Variants in IFI6 observed in about 807,000 individuals in gnomAD.
IFI6 encodes interferon alpha inducible protein 6.
In IFI6, 10 loss-of-function variants were observed where a neutral mutation model predicts 12.7. The observed-to-expected ratio is 0.79, with a 90% CI of 0.49 to 1.33. The LOEUF (loss-of-function observed/expected upper bound fraction) is 1.33. IFI6 is among the 40% of genes most tolerant of loss of function. The pLI is 0.00. For missense variants in IFI6, 154 were observed against 180.4 expected (o/e 0.85, Z 0.84); for synonymous variants, 89 against 86.2 (o/e 1.03, Z -0.18).
chr1:27,671,536 C>T (rs541797871), intron 1 of IFI6, among the ~76,000 whole-genome samples: 5 of 152,096 alleles, frequency 3.3e-5, no homozygotes, highest in African/African-American at 1.2e-4. Context: ...AGGCGCCCAC[C>T]ACCAAGCCCG....
intron 1 of IFI6, among the ~76,000 whole-genome samples, chr1:27,671,052 A>G (rs148246327): frequency 1.6e-4 from 24 of 152,318 alleles, no homozygotes; most frequent in Admixed American, 4.6e-4. Flanking sequence ...TCATGAACCT[A>G]TGCTCTTTCC....
At position 27,668,278 on chromosome 1, in the gene IFI6, C is replaced by T. The variant is rs1270626783; in HGVS notation, c.246G>A (p.Leu82=). 1.3e-6 allele frequency: 2 copies of T among 1,582,810 alleles called. No individual in the cohort carries two copies. Among genetic ancestry groups the T allele is most frequent in the African/African-American group, 1.3e-5 (1 of 74,210 alleles). Residue 82 remains leucine, a synonymous_variant, in exon 4 of 5, where the codon CTG becomes CTA. Coordinates refer to ENST00000361157, the MANE Select transcript of IFI6 (RefSeq NM_002038.4). ...AASLMSWSAI[L]NGGGVPAGGL... ...CCCCGGCGGGCACGCCGCCCCCATT[C>T]AGGATCGCAGACCAGCTCATCAGCG... is the stretch of plus-strand genomic sequence containing the variant.
At chr1:27,668,686 A>C in intron 2 of IFI6, 151 bp from the exon 3 acceptor site, 1 of 637,198 alleles carries the variant, frequency 1.6e-6, no homozygotes, top group Non-Finnish European at 2.8e-6. Flanking sequence ...ACTTTCCCCT[A>C]GGCGCCGAGC....
Position 27,668,229 on chromosome 1 carries a change from G to A in IFI6, c.295C>T (p.Leu99Phe). Residue 99 changes from leucine (L) to phenylalanine (F), a missense_variant, in exon 4 of 5, where the codon CTC becomes TTC. Coordinates refer to ENST00000361157, the MANE Select transcript of IFI6 (RefSeq NM_002038.4). ...AGGLVATLQSLGAGGSSVVIG... is the reference protein window; with the variant it reads ...AGGLVATLQSFGAGGSSVVIG... Reference sequence around the variant, plus strand: ...GGGGCCCAGGCCCCGCACTCACCGAGGCTCTGCAGCGTGGCCACTAGCCCC... The same window carrying A: ...GGGGCCCAGGCCCCGCACTCACCGAAGCTCTGCAGCGTGGCCACTAGCCCC... The A allele has an allele frequency of 6.5e-7, 1 of 1,544,354 alleles. No homozygotes were observed.
At position 27,666,321 on chromosome 1, in the gene IFI6, T is replaced by TAA; in HGVS notation, c.*59_*60insTT. The TAA allele has an allele frequency of 1.3e-6, 1 of 767,210 alleles. No individual in the cohort carries two copies. Among genetic ancestry groups the TAA allele is most frequent in the Non-Finnish European group, 2.1e-6 (1 of 482,048 alleles). The allele number at this position is 767,210 out of a possible 1,614,324, so 47.5% of individuals were successfully genotyped here. ...AAAAAAAAAAAAAAAAAGGCAAAGTTCTAGATCCTAACTGGAAGAGTTAGG... is the reference window on the plus strand; with the variant it reads ...AAAAAAAAAAAAAAAAAGGCAAAGTTAACTAGATCCTAACTGGAAGAGTTAGG... On this transcript the variant is annotated 3_prime_UTR_variant, in exon 5 of 5. Coordinates refer to ENST00000361157, the MANE Select transcript of IFI6 (RefSeq NM_002038.4).
intron 3 of IFI6, 24 bp downstream of exon 3, chr1:27,668,434 G>A (rs1270806248): frequency 2.5e-6 from 4 of 1,602,868 alleles, no homozygotes; most frequent in African/African-American, 1.3e-5. Context: ...CCGCCTGCCC[G>A]AGATCCTCGC....
chr1:27,668,336 C>T lies in IFI6; in HGVS notation c.188G>A (p.Gly63Asp). Residue 63 changes from glycine to aspartate, a missense_variant, in exon 4 of 5, where the codon GGC becomes GAC. Coordinates refer to ENST00000361157, the MANE Select transcript of IFI6 (RefSeq NM_002038.4). ...CACCGAGTTGGCCGCGATGCCGGCG[C>T]CGGTGAAGCCCAGCGCGGGCAGCCC... ...VAGLPALGFT[G>D]AGIAANSVAA... is the part of the protein sequence containing the mutation. 6.4e-7 allele frequency: 1 copy of T among 1,569,752 alleles called. No individual in the cohort carries two copies. The highest frequency in any genetic ancestry group is 1.2e-5 in the South Asian group (1 of 86,302).
At chr1:27,668,672 AGG>A (rs2090375170) in intron 2 of IFI6, 137 bp from the exon 3 acceptor site, 6 of 681,142 alleles carry the variant, frequency 8.8e-6, no homozygotes, top group Non-Finnish European at 1.5e-5. Flanking sequence ...ACAGAGGGGA[AGG>A]GACTTTCCCC....
rs2090349439 is a variant in IFI6, at chr1:27,666,232, T to C, written c.*149A>G. On this transcript the variant is annotated 3_prime_UTR_variant, in exon 5 of 5. Coordinates refer to ENST00000361157, the MANE Select transcript of IFI6 (RefSeq NM_002038.4). ...AGTTGGAGGCTGCAGTGTACTATGT[T>C]CGCATCTGTGAATAGCCACTGCACT... 5.6e-6 allele frequency: 3 copies of C among 540,250 alleles called. No homozygotes were observed. The East Asian group carries it at 9.2e-5, about 17-fold the overall frequency. The allele number at this position is 540,250 out of a possible 1,614,324, so 33.5% of individuals were successfully genotyped here.
At chr1:27,671,891 G>A (rs1021540746) in intron 1 of IFI6, among the ~76,000 whole-genome samples, 1 of 152,176 alleles carries the variant, frequency 6.6e-6, no homozygotes, top group African/African-American at 2.4e-5. Flanking sequence ...CGCTGATATT[G>A]CACCTGTAAG....
chr1:27,668,192 A>T (rs764078101), intron 4 of IFI6, 34 bp downstream of exon 4: 2 of 1,446,984 alleles, frequency 1.4e-6, no homozygotes, highest in East Asian at 2.6e-5. Context: ...AATAGTAAAG[A>T]ACGTCCCACC....
chr1:27,669,892 T>A (rs909895774), intron 1 of IFI6: 1 of 153,060 alleles, frequency 6.5e-6, no homozygotes, highest in African/African-American at 2.4e-5. Flanking sequence ...CACATCAACT[T>A]AATTTTTTTT....
chr1:27,668,396 G>A (rs773353125), intron 3 of IFI6, 21 bp from the exon 4 acceptor site: 43 of 1,576,724 alleles, frequency 2.7e-5, no homozygotes, highest in Non-Finnish European at 3.5e-5. Flanking sequence ...AGGAGCAGGT[G>A]AGGGAGCGTC....
Position 27,666,892 on chromosome 1 carries a change from G to A in IFI6, c.299-417C>T, listed in dbSNP as rs142777043. Among the ~76,000 whole-genome samples, 355 of 152,204 alleles carry A rather than the reference G, an allele frequency of 2.3e-3. 2 individuals carry two copies. Among genetic ancestry groups the A allele is most frequent in the African/African-American group, 6.6e-3 (274 of 41,532 alleles). On this transcript the variant is annotated intron_variant, in intron 4 of 4. Transcript: ENST00000361157. ...CACACTCTTCCCCTCCCATTGCAGG[G>A]GTGTGGCCCCGTCTGAGCAGGGCTC...
chr1:27,671,359 T>C (rs2090402590), intron 1 of IFI6, among the ~76,000 whole-genome samples: 2 of 150,980 alleles, frequency 1.3e-5, no homozygotes, highest in Admixed American at 1.3e-4. Context: ...AACCCACAAT[T>C]GGCTAATACC....
chr1:27,668,575 T>C, intron 2 of IFI6, 40 bp from the exon 3 acceptor site: 1 of 1,531,572 alleles, frequency 6.5e-7, no homozygotes, highest in Non-Finnish European at 8.9e-7. Context: ...GGTGTTGGGG[T>C]GGGACACAGG....
In IFI6 at chr1:27,666,187, G is replaced by T. The variant is rs1250057045; in HGVS notation, c.*194C>A. On this transcript the variant is annotated 3_prime_UTR_variant, in exon 5 of 5. Coordinates refer to ENST00000361157, the MANE Select transcript of IFI6 (RefSeq NM_002038.4). The stretch of plus-strand genomic sequence containing the variant: ...AATCCTACTTGGGAGGTTGAGACAG[G>T]AGGATCACTTGAGGCTAGGAGTTGG... The T allele has an allele frequency of 6.0e-5, 27 of 453,114 alleles. No homozygotes were observed. Among genetic ancestry groups the T allele is most frequent in the Non-Finnish European group, 7.8e-6 (2 of 256,288 alleles). The allele number at this position is 453,114 out of a possible 1,614,324, so 28.1% of individuals were successfully genotyped here. A position where few individuals can be genotyped will look rare whatever the true frequency, so the allele number is the denominator to read the frequency against.
intron 2 of IFI6, 62 bp from the exon 3 acceptor site, chr1:27,668,597 C>A: frequency 7.4e-7 from 1 of 1,359,804 alleles, no homozygotes; most frequent in Non-Finnish European, 1.0e-6. Context: ...GTCCCCTACT[C>A]TGTGTCTGAT....
intron 2 of IFI6, among the ~76,000 whole-genome samples, chr1:27,668,816 G>C (rs1245743393): frequency 6.6e-6 from 1 of 152,016 alleles, no homozygotes; most frequent in East Asian, 1.9e-4. Context: ...ATGGACGCCA[G>C]GGTCTCTACA....
Sources: gnomAD v4.1 joint callset for allele counts (sites outside exome capture counted in the v4.1 genomes callset) on GRCh38, gnomAD v4.1.1 for gene constraint, MANE v1.5 for transcripts, NCBI Gene and HGNC (gene_info 2026-07-23, HGNC 2026-07-21) for gene names.